Variants in ATXN1 observed in about 807,000 individuals in gnomAD.
The protein encoded by ATXN1 is ataxin-1.
A neutral mutation model predicts 56.4 loss-of-function variants in ATXN1; 8 were observed. That is an observed-to-expected ratio of 0.14 (90% CI 0.08 to 0.26). The LOEUF (loss-of-function observed/expected upper bound fraction) is 0.26. Among genes scored for constraint, ATXN1 ranks in the 10% least tolerant of loss-of-function variants. The pLI, the probability that ATXN1 is intolerant of heterozygous loss-of-function variation, is 1.00. For missense variants in ATXN1, 987 were observed against 1,106.5 expected, an observed-to-expected ratio of 0.89 and a Z score of 1.53; for synonymous variants, 514 against 494.6, an observed-to-expected ratio of 1.04 and a Z score of -0.52.
chr6:16,636,763 T>C (rs1763604384), intron 3 of ATXN1, among the ~76,000 whole-genome samples: 1 of 152,216 alleles, frequency 6.6e-6, no homozygotes, highest in African/African-American at 2.4e-5. Context: ...TGTCATAGCT[T>C]GAATGCCAGG....
At chr6:16,521,952 C>G (rs1761301929) in intron 5 of ATXN1, among the ~76,000 whole-genome samples, 1 of 152,140 alleles carries the variant, frequency 6.6e-6, no homozygotes, top group Non-Finnish European at 1.5e-5. Context: ...CAGTCTTGAC[C>G]CTTGCCTTAG....
chr6:16,701,967 A>G (rs1288128020), intron 2 of ATXN1, among the ~76,000 whole-genome samples: 1 of 152,190 alleles, frequency 6.6e-6, no homozygotes, highest in Non-Finnish European at 1.5e-5. Context: ...CTTTCTTCAC[A>G]GAATTGGAAA....
At chr6:16,703,874 C>G (rs1759346161) in intron 2 of ATXN1, among the ~76,000 whole-genome samples, 1 of 152,184 alleles carries the variant, frequency 6.6e-6, no homozygotes, top group African/African-American at 2.4e-5. Flanking sequence ...ACAAAACTAG[C>G]TGGGTGTGAT....
intron 3 of ATXN1, among the ~76,000 whole-genome samples, chr6:16,608,931 C>T (rs1396691320): frequency 6.6e-6 from 1 of 152,128 alleles, no homozygotes; most frequent in Non-Finnish European, 1.5e-5. Context: ...TTTCCCCTCT[C>T]TGTCTTTAGA....
chr6:16,690,035 C>A (rs1184278865), intron 2 of ATXN1, among the ~76,000 whole-genome samples: 1 of 151,970 alleles, frequency 6.6e-6, no homozygotes, highest in African/African-American at 2.4e-5. Context: ...ATGAAACAAA[C>A]CACTCAGGAT....
Position 16,306,172 on chromosome 6 carries a change from C to G in ATXN1, c.*157G>C. Reference sequence around the variant, plus strand: ...GTGGAAAAAGCATATGCACCAGTCTCCTGCGACACACCTGCTGTAACTCTA... The same window carrying G: ...GTGGAAAAAGCATATGCACCAGTCTGCTGCGACACACCTGCTGTAACTCTA... On this transcript the variant is annotated 3_prime_UTR_variant, in exon 8 of 8. Coordinates refer to ENST00000436367, the MANE Select transcript of ATXN1 (RefSeq NM_001128164.2). This position sits in a 1 kb window ranked among gnomAD's most constrained non-coding sequence, Gnocchi z 5.2. 1.1e-6 allele frequency: 1 copy of G among 951,632 alleles called. No individual in the cohort carries two copies. The allele number at this position is 951,632 out of a possible 1,614,324, so 58.9% of individuals were successfully genotyped here.
Position 16,328,116 on chromosome 6 carries a change from G to T in ATXN1, c.195C>A (p.Thr65=), listed in dbSNP as rs372295296. The T allele has an allele frequency of 3.1e-6, 5 of 1,591,414 alleles. No homozygotes were observed. Among genetic ancestry groups the T allele is most frequent in the Non-Finnish European group, 4.3e-6 (5 of 1,164,956 alleles). The change falls in exon 7 of 8, where the codon ACC becomes ACA. Residue 65 remains threonine, a synonymous_variant. Transcript: ENST00000436367. The surrounding 1 kb of genome is among the most constrained non-coding windows in gnomAD (Gnocchi z 6.2). ...CCTGTTGTAAACCAAGCTCCACCGA[G>T]GTCCCTGCCGGCCCATGCCTCCCGC... ...HGGGRHGPAG[T]SVELGLQQGI...
intron 6 of ATXN1, among the ~76,000 whole-genome samples, chr6:16,465,540 G>C (rs1161649675): frequency 6.6e-6 from 1 of 152,176 alleles, no homozygotes; most frequent in East Asian, 1.9e-4. Flanking sequence ...GGCTAGAGGA[G>C]AGCCAGTTTT....
chr6:16,504,303 T>A (rs945385270), intron 5 of ATXN1, among the ~76,000 whole-genome samples: 1 of 152,332 alleles, frequency 6.6e-6, no homozygotes, highest in East Asian at 1.9e-4. Flanking sequence ...CCAGAAAGCA[T>A]GCCTTGTAAA....
intron 4 of ATXN1, among the ~76,000 whole-genome samples, chr6:16,556,396 G>A (rs190080319): frequency 1.6e-4 from 24 of 151,924 alleles, no homozygotes; most frequent in African/African-American, 4.6e-4. Context: ...TTTTTACTTC[G>A]TTGGCAAAAG....
intron 6 of ATXN1, among the ~76,000 whole-genome samples, chr6:16,471,191 A>AACACATACACAC (rs1554150511): frequency 2.0e-4 from 29 of 148,104 alleles, no homozygotes; most frequent in African/African-American, 6.7e-4. Flanking sequence ...TGGCAATTAA[A>AACACATACACAC]ACACACACAC....
intron 5 of ATXN1, among the ~76,000 whole-genome samples, chr6:16,519,788 T>G (rs1377526358): frequency 6.6e-6 from 1 of 152,202 alleles, no homozygotes; most frequent in Non-Finnish European, 1.5e-5. Flanking sequence ...TTCAGAGGCC[T>G]GCAGAACACT....
chr6:16,564,987 A>T (rs1054667497), intron 4 of ATXN1, among the ~76,000 whole-genome samples: 1 of 152,174 alleles, frequency 6.6e-6, no homozygotes, highest in African/African-American at 2.4e-5. Flanking sequence ...TCCTTGACTT[A>T]TGAATATCAG....
chr6:16,505,389 G>C (rs1760964583), intron 5 of ATXN1, among the ~76,000 whole-genome samples: 1 of 152,072 alleles, frequency 6.6e-6, no homozygotes, highest in African/African-American at 2.4e-5. Flanking sequence ...GCTGGTATCA[G>C]GACTATTTTT....
chr6:16,613,258 C>A (rs1270844392), intron 3 of ATXN1, among the ~76,000 whole-genome samples: 1 of 110,896 alleles, frequency 9.0e-6, no homozygotes, highest in East Asian at 2.4e-4. Context: ...GGCGACAGAG[C>A]GAGACTCCGT....
chr6:16,617,660 G>A (rs932087409), intron 3 of ATXN1, among the ~76,000 whole-genome samples: 7 of 151,356 alleles, frequency 4.6e-5, no homozygotes, highest in Non-Finnish European at 7.4e-5. Flanking sequence ...CCAGCTACTC[G>A]GGAGGCTGAG....
intron 2 of ATXN1, among the ~76,000 whole-genome samples, chr6:16,658,138 G>C (rs1044082855): frequency 1.3e-5 from 2 of 152,146 alleles, no homozygotes; most frequent in South Asian, 4.1e-4. Context: ...GCATGACACT[G>C]GGGGAGGTAG....
Position 16,539,567 on chromosome 6 carries a change from A to G in ATXN1, c.-360-16879T>C, listed in dbSNP as rs142382830. ...ATGGGTGGCCTCAGAGCTTATTGAT[A>G]TAGACTGTGTCTCTCACCAAAGGGC... On this transcript the variant is annotated intron_variant, in intron 4 of 7. Coordinates refer to ENST00000436367, the MANE Select transcript of ATXN1 (RefSeq NM_001128164.2). Among the ~76,000 whole-genome samples the G allele has an allele frequency of 3.0e-3, 461 of 152,308 alleles. 2 individuals carry two copies. Among genetic ancestry groups the G allele is most frequent in the African/African-American group, 0.01 (434 of 41,562 alleles).
chr6:16,732,178 A>G (rs1760003538), intron 2 of ATXN1, among the ~76,000 whole-genome samples: 1 of 152,240 alleles, frequency 6.6e-6, no homozygotes, highest in Non-Finnish European at 1.5e-5. Context: ...CCAAGCAAAA[A>G]GATGAGATAG....
Sources: allele counts gnomAD v4.1 joint callset (sites outside exome capture counted in the v4.1 genomes callset), GRCh38; gene constraint gnomAD v4.1.1; non-coding constraint Gnocchi (gnomAD v3.1); transcripts MANE v1.5; gene names NCBI Gene and HGNC (gene_info 2026-07-23, HGNC 2026-07-21).